Variants in ZPLD1 observed in about 807,000 individuals in gnomAD.
ZPLD1 encodes the protein zona pellucida-like domain-containing protein 1.
In ZPLD1, 34 loss-of-function variants were observed where a neutral mutation model predicts 47.2. The observed-to-expected ratio is 0.72, with a 90% confidence interval of 0.55 to 0.96. The LOEUF is 0.96. Ranked by LOEUF, ZPLD1 falls within the 40% of genes least tolerant of loss-of-function variation. The probability of loss-of-function intolerance (pLI) is 0.00; values close to 1 mark genes in which losing one functional copy is unlikely to be tolerated. For missense variants in ZPLD1, 512 were observed against 505.8 expected (o/e 1.01, Z -0.12); for synonymous variants, 176 against 186.2 (o/e 0.95, Z 0.45).
intron 8 of ZPLD1, among the ~76,000 whole-genome samples, chr3:102,425,168 C>T (rs1247175540): frequency 6.6e-6 from 1 of 152,072 alleles, no homozygotes; most frequent in Non-Finnish European, 1.5e-5. Context: ...TGTTTTATGG[C>T]ACTGACCAAG....
chr3:102,440,952 T>C (rs1279228524), intron 3 of ZPLD1, among the ~76,000 whole-genome samples: 1 of 151,614 alleles, frequency 6.6e-6, no homozygotes, highest in Admixed American at 6.6e-5. Flanking sequence ...GATGAAGGAG[T>C]TAACCTTGGA....
At chr3:102,463,395 T>C (rs577757067) in intron 7 of ZPLD1, among the ~76,000 whole-genome samples, 1 of 152,358 alleles carries the variant, frequency 6.6e-6, no homozygotes, top group East Asian at 1.9e-4. Context: ...AACAAAAAGC[T>C]ATTGTTTATA....
At chr3:102,410,848 G>T (rs1440847245) in intron 7 of ZPLD1, among the ~76,000 whole-genome samples, 1 of 151,800 alleles carries the variant, frequency 6.6e-6, no homozygotes, top group East Asian at 1.9e-4. Flanking sequence ...CACAGAGAGG[G>T]TAGGGAGATG....
intron 7 of ZPLD1, among the ~76,000 whole-genome samples, chr3:102,400,409 C>T (rs1706606140): frequency 6.6e-6 from 1 of 152,046 alleles, no homozygotes; most frequent in African/African-American, 2.4e-5. Flanking sequence ...GAGTTGACCT[C>T]CTGCTACGCA....
At chr3:102,397,003 G>T (rs775100092) in intron 7 of ZPLD1, among the ~76,000 whole-genome samples, 3 of 152,018 alleles carry the variant, frequency 2.0e-5, no homozygotes, top group Non-Finnish European at 4.4e-5. Flanking sequence ...AAATAATGCA[G>T]GTAAAGTGCT....
At chr3:102,403,470 T>A (rs753495012) in intron 7 of ZPLD1, among the ~76,000 whole-genome samples, 1 of 151,976 alleles carries the variant, frequency 6.6e-6, no homozygotes, top group Non-Finnish European at 1.5e-5. Flanking sequence ...GGAAGAATCT[T>A]CAGTCCCATG....
intron 7 of ZPLD1, among the ~76,000 whole-genome samples, chr3:102,394,588 T>G (rs1334430620): frequency 7.2e-5 from 11 of 152,184 alleles, no homozygotes; most frequent in Non-Finnish European, 8.8e-5. Flanking sequence ...TGTTAAGAAT[T>G]ACCCTCAGCC....
intron 8 of ZPLD1, among the ~76,000 whole-genome samples, chr3:102,426,121 CA>C (rs1706943291): frequency 7.0e-6 from 1 of 142,790 alleles, no homozygotes; most frequent in Admixed American, 6.8e-5. Context: ...TACACACACA[CA>C]CACACACATG....
At chr3:102,432,303 C>T (rs1707025647), upstream of ZPLD1, among the ~76,000 whole-genome samples, 1 of 152,150 alleles carries the variant, frequency 6.6e-6, no homozygotes, top group African/African-American at 2.4e-5. Context: ...TCAGTAAATG[C>T]AGTGGAGAGC....
At chr3:102,397,392 T>TG (rs202034186) in intron 7 of ZPLD1, among the ~76,000 whole-genome samples, 1 of 117,496 alleles carries the variant, frequency 8.5e-6, no homozygotes, top group African/African-American at 3.9e-5. Context: ...TGGGTAGACT[T>TG]AGTAAAGCCC....
At chr3:102,463,944 G>A (rs149510110) in intron 7 of ZPLD1, among the ~76,000 whole-genome samples, 4,342 of 151,694 alleles carry the variant, frequency 0.029, 98 homozygotes, top group Non-Finnish European at 0.048. Context: ...CAGCTACTCG[G>A]GAGGCTGAGG....
At chr3:102,475,188 G>A (rs1348757347) in intron 10 of ZPLD1, among the ~76,000 whole-genome samples, 3 of 151,966 alleles carry the variant, frequency 2.0e-5, no homozygotes, top group Admixed American at 6.6e-5. Context: ...GGATTTTGTC[G>A]TTCCAGTCTT....
At chr3:102,405,009 A>G (rs1418115910) in intron 7 of ZPLD1, among the ~76,000 whole-genome samples, 1 of 152,048 alleles carries the variant, frequency 6.6e-6, no homozygotes, top group Non-Finnish European at 1.5e-5. Context: ...TTAGGAAGAT[A>G]TTAGTATCTT....
chr3:102,409,662 G>T (rs1159900531), intron 7 of ZPLD1, among the ~76,000 whole-genome samples: 2 of 151,704 alleles, frequency 1.3e-5, no homozygotes, highest in African/African-American at 4.8e-5. Context: ...CCTCTGAAAA[G>T]AAGGAAAATT....
At chr3:102,448,626 T>G (rs1707293407) in intron 3 of ZPLD1, among the ~76,000 whole-genome samples, 1 of 152,228 alleles carries the variant, frequency 6.6e-6, no homozygotes, top group Non-Finnish European at 1.5e-5. Flanking sequence ...CAGAAAGCCT[T>G]TAGTTTGTCA....
chr3:102,450,197 T>G (rs543337281), intron 3 of ZPLD1, among the ~76,000 whole-genome samples: 1 of 152,256 alleles, frequency 6.6e-6, no homozygotes, highest in African/African-American at 2.4e-5. Context: ...GAAAGAGCAC[T>G]GATACATGTA....
At chr3:102,446,658 A>C (rs1220111302) in intron 3 of ZPLD1, among the ~76,000 whole-genome samples, 1 of 152,136 alleles carries the variant, frequency 6.6e-6, no homozygotes, top group Non-Finnish European at 1.5e-5. Flanking sequence ...CTTTTTCTTC[A>C]TGCAGTCTTC....
chr3:102,453,435 C>T (rs1345804509), intron 4 of ZPLD1, among the ~76,000 whole-genome samples: 1 of 152,170 alleles, frequency 6.6e-6, no homozygotes, highest in East Asian at 1.9e-4. Flanking sequence ...TAGCATTAGC[C>T]ATATTCCTCA....
At chr3:102,394,897 C>T (rs1037701687) in intron 7 of ZPLD1, among the ~76,000 whole-genome samples, 1 of 151,994 alleles carries the variant, frequency 6.6e-6, no homozygotes, top group Non-Finnish European at 1.5e-5. Flanking sequence ...CTCTCCTTTT[C>T]AAAAGATTAT....
Sources: allele counts gnomAD v4.1 joint callset (sites outside exome capture counted in the v4.1 genomes callset), GRCh38; gene constraint gnomAD v4.1.1; transcripts MANE v1.5; gene names NCBI Gene and HGNC (gene_info 2026-07-23, HGNC 2026-07-21).